NAALADL2: variants seen among roughly 807,000 people sequenced by gnomAD.
The protein encoded by NAALADL2 is N-acetylated alpha-linked acidic dipeptidase like 2, also known as inactive N-acetylated-alpha-linked acidic dipeptidase-like protein 2.
In NAALADL2, 76 loss-of-function variants were observed where a neutral mutation model predicts 87.2. The ratio of observed to expected loss-of-function variants is 0.87; its 90% CI spans 0.72 to 1.05. NAALADL2 has a LOEUF of 1.05. Among genes scored for constraint, NAALADL2 ranks in the 50% least tolerant of loss-of-function variants. The pLI is 0.00. For synonymous variants in NAALADL2, 354 were observed against 331.0 expected, an observed-to-expected ratio of 1.07 and a Z score of -0.75; for missense variants, 1,089 against 945.8, an observed-to-expected ratio of 1.15 and a Z score of -1.99.
chr3:174,743,316 G>A (rs1177092098), intron 3 of NAALADL2, among the ~76,000 whole-genome samples: 2 of 151,622 alleles, frequency 1.3e-5, no homozygotes, highest in Non-Finnish European at 3.0e-5. Context: ...TCATTTAAAC[G>A]TCTCCAGAGC....
chr3:175,693,608 T>C (rs1210075222), intron 11 of NAALADL2, among the ~76,000 whole-genome samples: 1 of 152,108 alleles, frequency 6.6e-6, no homozygotes, highest in Non-Finnish European at 1.5e-5. Flanking sequence ...TTGACTCTTA[T>C]CATAGGTAGC....
intron 2 of NAALADL2, among the ~76,000 whole-genome samples, chr3:175,195,081 A>G (rs1271321925): frequency 2.0e-5 from 3 of 151,806 alleles, no homozygotes; most frequent in African/African-American, 7.2e-5. Context: ...ATGAATATGC[A>G]TATGACCAGG....
intron 2 of NAALADL2, among the ~76,000 whole-genome samples, chr3:174,589,293 G>A (rs1342676979): frequency 1.3e-5 from 2 of 152,284 alleles, no homozygotes; most frequent in Non-Finnish European, 1.5e-5. Context: ...CCCTTGGCTA[G>A]GAAAGGGAAT....
At chr3:174,732,873 T>C (rs937432022) in intron 2 of NAALADL2, among the ~76,000 whole-genome samples, 15 of 152,160 alleles carry the variant, frequency 9.9e-5, no homozygotes, top group African/African-American at 3.4e-4. Flanking sequence ...ATGTGTTCCA[T>C]TGGGTTTTTT....
At chr3:175,256,285 GAGAT>G (rs1560241021) in intron 3 of NAALADL2, 122 bp from the exon 4 acceptor site, 2 of 842,236 alleles carry the variant, frequency 2.4e-6, no homozygotes, top group African/African-American at 3.5e-5. Flanking sequence ...GACAGGGTAA[GAGAT>G]AGAATTAATT....
chr3:175,260,358 G>A (rs1358542675), intron 4 of NAALADL2, among the ~76,000 whole-genome samples: 1 of 152,100 alleles, frequency 6.6e-6, no homozygotes, highest in Non-Finnish European at 1.5e-5. Context: ...GGTCCTCTCT[G>A]CAACCCTGTA....
chr3:175,355,230 G>A (rs1326474503), intron 5 of NAALADL2, among the ~76,000 whole-genome samples: 2 of 151,610 alleles, frequency 1.3e-5, no homozygotes, highest in Non-Finnish European at 2.9e-5. Flanking sequence ...CACCACACTT[G>A]CTTATTTTTG....
At chr3:175,372,658 T>G (rs1056362155) in intron 5 of NAALADL2, among the ~76,000 whole-genome samples, 9 of 152,240 alleles carry the variant, frequency 5.9e-5, no homozygotes, top group African/African-American at 1.7e-4. Flanking sequence ...TGGCCTTAAC[T>G]AAAATGGGAT....
At chr3:175,062,069 C>T (rs571476950) in intron 1 of NAALADL2, among the ~76,000 whole-genome samples, 54 of 150,770 alleles carry the variant, frequency 3.6e-4, no homozygotes, top group African/African-American at 1.3e-3. Flanking sequence ...ATGAACAAAA[C>T]CCATTTAATT....
chr3:175,543,488 A>G (rs2149474457), intron 9 of NAALADL2, among the ~76,000 whole-genome samples: 1 of 152,286 alleles, frequency 6.6e-6, no homozygotes, highest in South Asian at 2.1e-4. Context: ...TAAAGAAAAA[A>G]GAGGTTTAAT....
At position 174,465,479 on chromosome 3, in the gene NAALADL2, C is replaced by T. The variant is rs140006846; in HGVS notation, c.-184+24447C>T. Among the ~76,000 whole-genome samples the T allele has an allele frequency of 2.9e-4, 44 of 152,144 alleles. No individual in the cohort carries two copies. The East Asian group carries it at 6.8e-3, about 23-fold the overall frequency. On this transcript the variant is annotated intron_variant, in intron 1 of 3. Transcript: ENST00000434257. ...TACTATTTAGTTCAAGCTAAGATAC[C>T]AAATTTGTTATATAAATCACTGAAA...
At chr3:174,588,353 G>C (rs911227558) in intron 2 of NAALADL2, among the ~76,000 whole-genome samples, 4 of 152,066 alleles carry the variant, frequency 2.6e-5, no homozygotes, top group African/African-American at 9.7e-5. Context: ...ATTACCGATC[G>C]TCTGAAGCCT....
chr3:174,549,506 A>G (rs1249417911), intron 1 of NAALADL2, among the ~76,000 whole-genome samples: 2 of 152,170 alleles, frequency 1.3e-5, no homozygotes, highest in South Asian at 4.1e-4. Flanking sequence ...AATAGAATGA[A>G]TCTTTCTCAT....
chr3:175,607,344 G>T (rs1723902440), intron 10 of NAALADL2, among the ~76,000 whole-genome samples: 1 of 152,146 alleles, frequency 6.6e-6, no homozygotes, highest in Non-Finnish European at 1.5e-5. Context: ...AATGATAGTA[G>T]TATGTGTATA....
intron 11 of NAALADL2, among the ~76,000 whole-genome samples, chr3:175,706,888 T>A (rs1362503502): frequency 6.6e-6 from 1 of 152,128 alleles, no homozygotes. Flanking sequence ...GCACTCATAA[T>A]AATGATCATA....
intron 3 of NAALADL2, among the ~76,000 whole-genome samples, chr3:174,837,855 A>T (rs1723529166): frequency 6.6e-6 from 1 of 151,856 alleles, no homozygotes; most frequent in Non-Finnish European, 1.5e-5. Flanking sequence ...GAAGTCCAGG[A>T]CCAGACAGAT....
intron 5 of NAALADL2, among the ~76,000 whole-genome samples, chr3:175,437,638 G>A (rs1400774970): frequency 2.0e-5 from 3 of 150,428 alleles, no homozygotes; most frequent in Non-Finnish European, 4.4e-5. Flanking sequence ...AGCCCGCATT[G>A]CCAAGTCAAT....
At chr3:175,063,172 C>G (rs1264614819) in intron 1 of NAALADL2, among the ~76,000 whole-genome samples, 1 of 152,052 alleles carries the variant, frequency 6.6e-6, no homozygotes, top group South Asian at 2.1e-4. Flanking sequence ...CAAAGGTGAA[C>G]AGTCTGTTTA....
chr3:175,047,005 T>C (rs1013853744), intron 1 of NAALADL2, among the ~76,000 whole-genome samples: 1 of 152,136 alleles, frequency 6.6e-6, no homozygotes, highest in East Asian at 1.9e-4. Context: ...TTCTGTGTCA[T>C]AGATGGCCAT....
Sources: gnomAD v4.1 joint callset for allele counts (sites outside exome capture counted in the v4.1 genomes callset) on GRCh38, gnomAD v4.1.1 for gene constraint, MANE v1.5 for transcripts, NCBI Gene and HGNC (gene_info 2026-07-23, HGNC 2026-07-21) for gene names.